The following ARID4B variants were observed in gnomAD, a reference collection of about 807,000 sequenced individuals.
ARID4B encodes the protein AT-rich interactive domain-containing protein 4B.
A neutral mutation model predicts 147.5 loss-of-function variants in ARID4B; 26 were observed. The ratio of observed to expected loss-of-function variants is 0.18; its 90% CI spans 0.13 to 0.24. The LOEUF (loss-of-function observed/expected upper bound fraction) is 0.24. Among genes scored for constraint, ARID4B ranks in the 10% least tolerant of loss-of-function variants. The pLI is 1.00. For missense variants in ARID4B, 1,179 were observed against 1,511.5 expected (o/e 0.78, Z 3.65); for synonymous variants, 512 against 507.9 (o/e 1.01, Z -0.11).
At chr1:235,267,232 T>A (rs1190565881) in intron 2 of ARID4B, among the ~76,000 whole-genome samples, 4 of 152,004 alleles carry the variant, frequency 2.6e-5, no homozygotes, top group Admixed American at 2.6e-4. Context: ...GAGCCATGAC[T>A]GCAACACGGC....
rs755767923 is a variant in ARID4B at position 235,213,951 on chromosome 1, C to T, written c.1659G>A (p.Glu553=). ...CATTGTTGTCATCATCATCTTCATC[C>T]TCTTCTTCTTCTTCCTCCTCCTCCT... The part of the protein sequence containing the change: ...EEEEEEEEEE[E]DEDDDDNNEE... Residue 553 remains glutamate, a synonymous_variant, in exon 17 of 24, where the codon GAG becomes GAA. Coordinates refer to ENST00000264183, the MANE Select transcript of ARID4B (RefSeq NM_016374.6). 2 of 1,602,942 alleles carry T rather than the reference C, an allele frequency of 1.2e-6. No individual in the cohort carries two copies. The highest frequency in any genetic ancestry group is 1.7e-6 in the Non-Finnish European group (2 of 1,170,562).
intron 16 of ARID4B, among the ~76,000 whole-genome samples, chr1:235,215,087 C>T (rs1320522640): frequency 6.6e-6 from 1 of 151,986 alleles, no homozygotes; most frequent in Non-Finnish European, 1.5e-5. Context: ...TCAGGTGATC[C>T]ACCCACCGTG....
intron 17 of ARID4B, among the ~76,000 whole-genome samples, chr1:235,196,853 CAAAAAAA>C (rs34581094): frequency 6.8e-5 from 6 of 88,562 alleles, no homozygotes; most frequent in South Asian, 3.5e-4. Context: ...CTCTGTTTCA[CAAAAAAA>C]AAAAAAAAAA....
At chr1:235,188,204 T>C (rs546421964) in intron 19 of ARID4B, among the ~76,000 whole-genome samples, 40 of 151,948 alleles carry the variant, frequency 2.6e-4, no homozygotes, top group African/African-American at 9.4e-4. Context: ...ATTTCTGAAA[T>C]AATATAAACC....
intron 9 of ARID4B, among the ~76,000 whole-genome samples, chr1:235,231,616 A>T (rs1668241149): frequency 6.6e-6 from 1 of 152,146 alleles, no homozygotes; most frequent in Admixed American, 6.5e-5. Context: ...CCTCCCGAGT[A>T]GCTGGGATTA....
At chr1:235,326,869 T>C (rs1675309754) in intron 2 of ARID4B, 45 bp downstream of exon 2, 1 of 1,611,992 alleles carries the variant, frequency 6.2e-7, no homozygotes, top group South Asian at 1.1e-5. Flanking sequence ...TCCTACTTCC[T>C]GAATTCGATA....
Position 235,182,043 on chromosome 1 carries a change from G to A in ARID4B, c.2876C>T (p.Ala959Val). Residue 959 changes from alanine (A) to valine (V), a missense_variant, in exon 20 of 24, where the codon GCC (alanine) becomes GTC (valine). Ala to Val is a moderately conservative substitution (Grantham distance 64, BLOSUM62 0). Around this residue, in one of 10 missense-constraint regions of ARID4B, gnomAD observed 357 missense variants for 427.3 expected, o/e 0.84. Transcript: ENST00000264183. ...CTCCTCTGCCACCCCCTCCTCTGGG[G>A]CAGGATGCGGTGGGGAAGCTGCAGC... ...TEAAASPPHP[A>V]PEEGVAEESL... The A allele has an allele frequency of 1.2e-6, 2 of 1,614,136 alleles. No homozygotes were observed. The highest frequency in any genetic ancestry group is 1.7e-6 in the Non-Finnish European group (2 of 1,180,034).
rs1397454081 is a variant in ARID4B, at chr1:235,220,380, C to T, written c.1329G>A (p.Glu443=). ...ETEIKEIKME[E]ERNIIPREEK... ...CTTCTCTTGGTATTATATTCCTCTC[C>T]TCCTCCATCTTTATTTCTTTGATCT... Residue 443 remains glutamate, a synonymous_variant, in exon 15 of 24, where the codon GAG becomes GAA. Transcript: ENST00000264183. 1.7e-5 allele frequency: 28 copies of T among 1,610,486 alleles called. No individual in the cohort carries two copies. The highest frequency in any genetic ancestry group is 2.1e-5 in the Non-Finnish European group (25 of 1,177,240).
intron 2 of ARID4B, among the ~76,000 whole-genome samples, chr1:235,261,867 A>G (rs909949549): frequency 5.3e-5 from 8 of 152,246 alleles, no homozygotes; most frequent in African/African-American, 1.9e-4. Context: ...AGTGCTTTAT[A>G]AAAAGTACTA....
intron 22 of ARID4B, among the ~76,000 whole-genome samples, chr1:235,173,809 T>C (rs1663631326): frequency 1.4e-5 from 1 of 73,872 alleles, no homozygotes; most frequent in African/African-American, 6.1e-5. Flanking sequence ...TATATATATA[T>C]ATATGTATAC....
chr1:235,323,057 T>C (rs78344916), intron 2 of ARID4B, among the ~76,000 whole-genome samples: 17 of 148,940 alleles, frequency 1.1e-4, no homozygotes, highest in Admixed American at 4.0e-4. Flanking sequence ...TTTTTTTTTT[T>C]CCTGAAATGG....
At chr1:235,239,488 T>G (rs945426131) in intron 8 of ARID4B, among the ~76,000 whole-genome samples, 14 of 152,242 alleles carry the variant, frequency 9.2e-5, no homozygotes, top group African/African-American at 2.9e-4. Context: ...AAAAGATTAT[T>G]TGAAAAGCAG....
intron 2 of ARID4B, among the ~76,000 whole-genome samples, chr1:235,293,652 CAAA>C (rs5781823): frequency 2.7e-5 from 4 of 147,788 alleles, no homozygotes; most frequent in South Asian, 2.1e-4. Context: ...GCACATAAAC[CAAA>C]AAAAAAAAAT....
In ARID4B at chr1:235,269,426, C is replaced by T. The variant is rs72756097; in HGVS notation, c.7-8674G>A. Among the ~76,000 whole-genome samples, 919 of 152,178 alleles carry T rather than the reference C, an allele frequency of 6.0e-3. 3 individuals are homozygous for T. Among genetic ancestry groups the T allele is most frequent in the Middle Eastern group, 0.01 (3 of 294 alleles). On this transcript the variant is annotated intron_variant, in intron 2 of 23. Coordinates refer to ENST00000264183, the MANE Select transcript of ARID4B (RefSeq NM_016374.6). ...GTTTTGCACTGTAATATCAAAAGAG[C>T]AACTTTCTGTGGTATATCTGCCAAG... is the stretch of plus-strand genomic sequence containing the variant.
At chr1:235,180,607 T>C (rs1664251151) in intron 20 of ARID4B, 1 of 152,202 alleles carries the variant, frequency 6.6e-6, no homozygotes, top group African/African-American at 2.4e-5. Flanking sequence ...AACATTTCAA[T>C]TTAATTGCAA....
At chr1:235,243,034 CTA>C (rs1669087784) in intron 7 of ARID4B, among the ~76,000 whole-genome samples, 1 of 151,970 alleles carries the variant, frequency 6.6e-6, no homozygotes, top group Non-Finnish European at 1.5e-5. Context: ...GTTTAATTCG[CTA>C]TCTCCTCCCC....
intron 6 of ARID4B, among the ~76,000 whole-genome samples, chr1:235,249,923 A>C (rs1669536132): frequency 7.0e-6 from 1 of 141,932 alleles, no homozygotes; most frequent in Non-Finnish European, 1.5e-5. Flanking sequence ...CTGGCGACAG[A>C]GAGAGACTCC....
chr1:235,172,763 C>A lies in ARID4B; in HGVS notation c.3666G>T (p.Ser1222=). The change falls in exon 23 of 24, where the codon TCG becomes TCT. Residue 1222 remains serine (S), a splice_region_variant and synonymous_variant. Coordinates refer to ENST00000264183, the MANE Select transcript of ARID4B (RefSeq NM_016374.6). ...PKVYKWSFQM[S]DLENMTSAER... is the part of the protein sequence containing the mutation. The stretch of plus-strand genomic sequence containing the variant: ...CGGCACTTGTCATATTTTCCAGGTC[C>A]GCTATAAATTTAAAGCTTTCATTAA... 6.5e-7 allele frequency: 1 copy of A among 1,536,672 alleles called. No homozygotes were observed. The highest frequency in any genetic ancestry group is 8.7e-7 in the Non-Finnish European group (1 of 1,149,096).
rs1312964155 is a variant in ARID4B at position 235,328,163 on chromosome 1, T to G, written c.-444A>C. 6.5e-6 allele frequency: 1 copy of G among 152,906 alleles called. No individual in the cohort carries two copies. The highest frequency in any genetic ancestry group is 2.4e-5 in the African/African-American group (1 of 41,426). The allele number at this position is 152,906 out of a possible 1,614,324, so 9.5% of individuals were successfully genotyped here. A position where few individuals can be genotyped will look rare whatever the true frequency, so the allele number is the denominator to read the frequency against. ...GGCGACCGAGCTCCTCACTCCGGAC[T>G]CGACTGACGGGCAAACATCGCTTCC... On this transcript the variant is annotated 5_prime_UTR_variant, in exon 1 of 24. Transcript: ENST00000264183.
Sources: gnomAD v4.1 joint callset for allele counts (sites outside exome capture counted in the v4.1 genomes callset) on GRCh38, gnomAD v4.1.1 for gene constraint, gnomAD v4.1.1 regional missense constraint, MANE v1.5 for transcripts, NCBI Gene and HGNC (gene_info 2026-07-23, HGNC 2026-07-21) for gene names.